The following CNTNAP4 variants were observed in gnomAD, a reference collection of about 807,000 sequenced individuals.
The protein encoded by CNTNAP4 is contactin-associated protein-like 4.
Under a neutral mutation model 148.4 loss-of-function variants are expected in CNTNAP4, and 98 were observed. The observed-to-expected ratio is 0.66, with a 90% CI of 0.56 to 0.78. CNTNAP4 has a LOEUF of 0.78. Among genes scored for constraint, CNTNAP4 ranks in the 30% least tolerant of loss-of-function variants. The pLI is 0.00. For synonymous variants in CNTNAP4, 730 were observed against 565.1 expected (o/e 1.29, Z -4.14); for missense variants, 1,935 against 1,565.6 (o/e 1.24, Z -3.98).
At position 76,526,375 on chromosome 16, in the gene CNTNAP4, A is replaced by G. The variant is rs571342559; in HGVS notation, c.2755+4118A>G. 1.4e-4 allele frequency among the ~76,000 whole-genome samples: 21 copies of G among 152,288 alleles called. No homozygotes were observed. In the South Asian group the frequency reaches 3.9e-3, roughly 29 times the overall value. The stretch of plus-strand genomic sequence containing the variant: ...ACCTTGTAGGGCCATGGCGAGGACT[A>G]TGGATTTTACTCTAAGGAGTCAGAG... On this transcript the variant is annotated intron_variant, in intron 17 of 23. Transcript: ENST00000611870.
At chr16:76,397,462 C>T (rs181990681) in intron 3 of CNTNAP4, among the ~76,000 whole-genome samples, 22 of 152,008 alleles carry the variant, frequency 1.4e-4, no homozygotes, top group Admixed American at 5.2e-4. Context: ...GGGCTGAAGG[C>T]ATGCGACAGA....
chr16:76,360,164 A>G (rs1047834280), intron 3 of CNTNAP4, among the ~76,000 whole-genome samples: 5 of 152,194 alleles, frequency 3.3e-5, no homozygotes, highest in Non-Finnish European at 5.9e-5. Flanking sequence ...TTGTTCTTTA[A>G]CTAGAAGTGT....
chr16:76,485,359 C>T (rs1441732879), intron 12 of CNTNAP4, among the ~76,000 whole-genome samples: 11 of 152,132 alleles, frequency 7.2e-5, no homozygotes, highest in South Asian at 2.1e-4. Context: ...TTAGGTGATC[C>T]GCCTGCCTCA....
chr16:76,449,740 C>G lies in CNTNAP4; in HGVS notation c.953C>G (p.Pro318Arg). ...ATCAGCTTTGGAGGGATTCCAGCAC[C>G]TGGAAAATCAGTGTCATTCCCACAT... ...YEISFGGIPA[P>R]GKSVSFPHRN... Residue 318 changes from proline to arginine, a missense_variant, in exon 7 of 24, where the codon CCT (proline) becomes CGT (arginine). By Grantham distance (103) the Pro-to-Arg change is moderately radical. Transcript: ENST00000611870. 1 of 1,594,060 alleles carries G rather than the reference C, an allele frequency of 6.3e-7. No homozygotes were observed. The highest frequency in any genetic ancestry group is 8.6e-7 in the Non-Finnish European group (1 of 1,169,224).
Position 76,551,952 on chromosome 16 carries a change from C to T in CNTNAP4, c.3443-1331C>T, listed in dbSNP as rs552565154. Among the ~76,000 whole-genome samples the T allele has an allele frequency of 5.3e-5, 8 of 152,314 alleles. No individual in the cohort carries two copies. The South Asian group carries it at 1.5e-3, about 28-fold the overall frequency. ...GAGAATAGTTGTATTAGTCCGTTCT[C>T]ACACTGCTATAAAGAGCTTCCTGAG... On this transcript the variant is annotated intron_variant, in intron 21 of 23. Transcript: ENST00000611870.
chr16:76,301,897 G>A (rs7200703), intron 1 of CNTNAP4, among the ~76,000 whole-genome samples: 42,287 of 151,946 alleles, frequency 0.28, 6,558 homozygotes, highest in Non-Finnish European at 0.35. Context: ...ATGGCATTTC[G>A]TAGGACATAT....
At chr16:76,411,572 G>T (rs889421415) in intron 3 of CNTNAP4, among the ~76,000 whole-genome samples, 2 of 151,128 alleles carry the variant, frequency 1.3e-5, no homozygotes, top group African/African-American at 4.8e-5. Context: ...TAAATTATGT[G>T]ATATCTAAAA....
chr16:76,370,304 T>G (rs1014450625), intron 3 of CNTNAP4, among the ~76,000 whole-genome samples: 5 of 151,710 alleles, frequency 3.3e-5, no homozygotes, highest in African/African-American at 1.2e-4. Context: ...AAAAAAATCC[T>G]TAGTTCTGGT....
At chr16:76,347,680 C>G (rs1016155138) in intron 2 of CNTNAP4, among the ~76,000 whole-genome samples, 1 of 152,126 alleles carries the variant, frequency 6.6e-6, no homozygotes, top group Non-Finnish European at 1.5e-5. Context: ...CCCAGAGTAT[C>G]TCAGAGAAGA....
Position 76,542,640 on chromosome 16 carries a change from C to G in CNTNAP4, c.3442+1850C>G, listed in dbSNP as rs370935225. 1.4e-3 allele frequency among the ~76,000 whole-genome samples: 208 copies of G among 152,288 alleles called. 3 individuals are homozygous for G. The highest frequency in any genetic ancestry group is 4.7e-3 in the African/African-American group (194 of 41,560). On this transcript the variant is annotated intron_variant, in intron 21 of 23. Transcript: ENST00000611870. The stretch of plus-strand genomic sequence containing the variant: ...GCCCCAACCTCTGCAATGAGGCAAT[C>G]TGTCTAAAAACCTCTTTGCTGAACA...
At chr16:76,420,245 T>G (rs1568094805) in intron 3 of CNTNAP4, among the ~76,000 whole-genome samples, 3 of 151,248 alleles carry the variant, frequency 2.0e-5, no homozygotes, top group Non-Finnish European at 4.4e-5. Flanking sequence ...TTCTGTAGAA[T>G]ATATATTAGA....
chr16:76,396,590 G>A (rs2078214000), intron 3 of CNTNAP4, among the ~76,000 whole-genome samples: 1 of 152,168 alleles, frequency 6.6e-6, no homozygotes, highest in Non-Finnish European at 1.5e-5. Flanking sequence ...CATTACAGTG[G>A]AAGAATGACC....
chr16:76,359,685 C>G (rs1597313177), intron 3 of CNTNAP4, among the ~76,000 whole-genome samples: 1 of 152,188 alleles, frequency 6.6e-6, no homozygotes, highest in East Asian at 1.9e-4. Flanking sequence ...ATAATTTATA[C>G]AAAGTATTCT....
chr16:76,302,106 C>T (rs1360907666), intron 1 of CNTNAP4, among the ~76,000 whole-genome samples: 2 of 152,028 alleles, frequency 1.3e-5, no homozygotes, highest in Admixed American at 6.6e-5. Context: ...GAATGATATC[C>T]ACCTATAAGT....
intron 3 of CNTNAP4, among the ~76,000 whole-genome samples, chr16:76,394,105 C>T (rs1269584755): frequency 2.0e-5 from 3 of 152,146 alleles, no homozygotes; most frequent in Admixed American, 2.0e-4. Flanking sequence ...GCTTCTACAA[C>T]ATCTGAAAAT....
chr16:76,469,671 T>C (rs886699550), intron 10 of CNTNAP4: 2 of 152,330 alleles, frequency 1.3e-5, no homozygotes, highest in South Asian at 2.1e-4. Context: ...TTCTGTAAAA[T>C]AGAGGACCAT....
intron 4 of CNTNAP4, among the ~76,000 whole-genome samples, chr16:76,442,269 TA>T (rs1439536151): frequency 2.6e-5 from 4 of 152,210 alleles, no homozygotes; most frequent in Admixed American, 2.6e-4. Context: ...AGAAATGAAT[TA>T]TTTTTTAGAG....
chr16:76,366,398 C>A (rs559701775), intron 3 of CNTNAP4, among the ~76,000 whole-genome samples: 2 of 152,162 alleles, frequency 1.3e-5, no homozygotes, highest in South Asian at 2.1e-4. Flanking sequence ...GTTTTCTGTT[C>A]GTGCATTAGT....
At chr16:76,520,331 A>T (rs1050137818) in intron 15 of CNTNAP4, among the ~76,000 whole-genome samples, 2 of 152,190 alleles carry the variant, frequency 1.3e-5, no homozygotes, top group African/African-American at 4.8e-5. Flanking sequence ...AAAGTTGTAG[A>T]TATGAAAAAA....
Sources: allele counts gnomAD v4.1 joint callset (sites outside exome capture counted in the v4.1 genomes callset), GRCh38; gene constraint gnomAD v4.1.1; transcripts MANE v1.5; gene names NCBI Gene and HGNC (gene_info 2026-07-23, HGNC 2026-07-21).